Variants in NBAS observed in about 807,000 individuals in gnomAD.
NBAS encodes NBAS subunit of NRZ tethering complex.
A neutral mutation model predicts 302.5 loss-of-function variants in NBAS; 219 were observed. The observed-to-expected ratio is 0.72, with a 90% CI of 0.65 to 0.81. The LOEUF (loss-of-function observed/expected upper bound fraction) is 0.81, where lower values mean the gene tolerates loss of function less well. Among genes scored for constraint, NBAS ranks in the 30% least tolerant of loss-of-function variants. The pLI is 0.00. For synonymous variants in NBAS, 1,118 were observed against 1,021.6 expected, an observed-to-expected ratio of 1.09 and a Z score of -1.80; for missense variants, 2,932 against 2,841.6, an observed-to-expected ratio of 1.03 and a Z score of -0.72.
chr2:15,007,206 T>C, the NBAS span, among the ~76,000 whole-genome samples: 1 of 152,170 alleles, frequency 6.6e-6, no homozygotes, highest in Non-Finnish European at 1.5e-5. Flanking sequence ...CCGGATACAC[T>C]AGGTGAGGCA....
intron 35 of NBAS, among the ~76,000 whole-genome samples, chr2:15,347,591 G>A (rs2148286986): frequency 6.6e-6 from 1 of 152,300 alleles, no homozygotes; most frequent in East Asian, 1.9e-4. Flanking sequence ...CACTTAAAAT[G>A]CTCATAACAA....
the NBAS span, among the ~76,000 whole-genome samples, chr2:14,982,221 G>A: frequency 2.6e-5 from 4 of 152,066 alleles, no homozygotes; most frequent in Admixed American, 1.3e-4. Flanking sequence ...ACCATCCCCC[G>A]GCTGTGTGAG....
At chr2:15,094,589 T>C in the NBAS span, among the ~76,000 whole-genome samples, 1 of 152,334 alleles carries the variant, frequency 6.6e-6, no homozygotes, top group Non-Finnish European at 1.5e-5. Context: ...ACATTTGTAA[T>C]GGAAGCTAAG....
chr2:15,292,590 C>T lies in NBAS; in HGVS notation c.4974G>A (p.Gln1658=), dbSNP rs371186583. 1.9e-6 allele frequency: 3 copies of T among 1,614,212 alleles called. No individual in the cohort carries two copies. The South Asian group carries it at 3.3e-5, about 18-fold the overall frequency. The change falls in exon 41 of 52, where the codon CAG becomes CAA. Residue 1658 remains glutamine (Q), a synonymous_variant. Transcript: ENST00000281513. ...LQGLRKGVDV[Q]RFTADDQYKR... is the part of the protein sequence containing the mutation. ...TATACTGGTCATCTGCAGTAAACCG[C>T]TGCACGTCCACACCCTTCCGAAGGC... is the stretch of plus-strand genomic sequence containing the variant.
the NBAS span, among the ~76,000 whole-genome samples, chr2:14,782,364 A>G: frequency 2.0e-5 from 3 of 152,322 alleles, no homozygotes; most frequent in Middle Eastern, 3.4e-3. Flanking sequence ...AAAAAGCTCA[A>G]TATCACTGAT....
intron 32 of NBAS, among the ~76,000 whole-genome samples, chr2:15,364,976 A>G (rs1297723686): frequency 1.3e-5 from 2 of 152,152 alleles, no homozygotes; most frequent in Non-Finnish European, 2.9e-5. Flanking sequence ...GCCACCTATG[A>G]TACCTTTCTT....
At chr2:14,811,083 T>TG in the NBAS span, among the ~76,000 whole-genome samples, 1 of 152,100 alleles carries the variant, frequency 6.6e-6, no homozygotes, top group Non-Finnish European at 1.5e-5. Context: ...TAGTGGCTAA[T>TG]GATATAGGGT....
chr2:14,833,991 C>T, the NBAS span, among the ~76,000 whole-genome samples: 1 of 152,106 alleles, frequency 6.6e-6, no homozygotes, highest in Non-Finnish European at 1.5e-5. Context: ...TGAATTACTA[C>T]AGAATTCAGA....
intron 9 of NBAS, among the ~76,000 whole-genome samples, chr2:15,512,721 G>A (rs536287868): frequency 4.7e-4 from 71 of 152,070 alleles, no homozygotes; most frequent in Non-Finnish European, 8.1e-4. Flanking sequence ...TCTAAAAGCC[G>A]GAAAAGGCAA....
chr2:15,287,551 C>G (rs1322518425), intron 41 of NBAS, among the ~76,000 whole-genome samples: 5 of 152,170 alleles, frequency 3.3e-5, no homozygotes, highest in Admixed American at 3.3e-4. Flanking sequence ...TGCTGAGCAT[C>G]CTGCATAGAC....
the NBAS span, among the ~76,000 whole-genome samples, chr2:14,960,718 G>A: frequency 1.3e-5 from 2 of 152,080 alleles, no homozygotes; most frequent in African/African-American, 4.8e-5. Flanking sequence ...AAAAAAATAA[G>A]GTAGGTCTAA....
chr2:14,798,416 C>T, the NBAS span, among the ~76,000 whole-genome samples: 3 of 152,130 alleles, frequency 2.0e-5, no homozygotes, highest in Middle Eastern at 3.4e-3. Context: ...AACTTGCATT[C>T]GTAGAAAAAA....
chr2:15,275,938 C>A, intron 43 of NBAS, 120 bp from the exon 44 acceptor site: 1 of 827,100 alleles, frequency 1.2e-6, no homozygotes, highest in Non-Finnish European at 1.9e-6. Context: ...CAACTTAGCT[C>A]TAAGTAGCTA....
chr2:14,811,434 C>T, the NBAS span, among the ~76,000 whole-genome samples: 25 of 152,054 alleles, frequency 1.6e-4, no homozygotes, highest in South Asian at 6.2e-4. Flanking sequence ...ATAAGGTTTT[C>T]GGAATCCATT....
intron 44 of NBAS, among the ~76,000 whole-genome samples, chr2:15,271,555 G>A (rs985224954): frequency 2.0e-5 from 3 of 152,114 alleles, no homozygotes; most frequent in African/African-American, 7.2e-5. Flanking sequence ...GTACCAGAAG[G>A]ACTTTTTAAA....
chr2:15,031,832 G>C, the NBAS span, among the ~76,000 whole-genome samples: 1 of 152,200 alleles, frequency 6.6e-6, no homozygotes, highest in African/African-American at 2.4e-5. Flanking sequence ...GGTCAGATGG[G>C]GCCCTGTGAA....
At chr2:15,526,042 TC>T (rs150877017) in intron 9 of NBAS, among the ~76,000 whole-genome samples, 1 of 152,110 alleles carries the variant, frequency 6.6e-6, no homozygotes, top group East Asian at 1.9e-4. Flanking sequence ...TTAATGCATC[TC>T]CTCTAACAAT....
At chr2:14,966,450 C>A in the NBAS span, among the ~76,000 whole-genome samples, 7 of 152,166 alleles carry the variant, frequency 4.6e-5, no homozygotes, top group African/African-American at 1.7e-4. Flanking sequence ...TATACCAAAT[C>A]ACACATGATC....
At chr2:15,507,421 A>AGCT (rs1480842793) in intron 10 of NBAS, among the ~76,000 whole-genome samples, 2 of 152,118 alleles carry the variant, frequency 1.3e-5, no homozygotes, top group African/African-American at 4.8e-5. Flanking sequence ...CAGCAGCAGC[A>AGCT]GCAATAATAA....
Sources: allele counts gnomAD v4.1 joint callset (sites outside exome capture counted in the v4.1 genomes callset), GRCh38; gene constraint gnomAD v4.1.1; transcripts MANE v1.5; gene names NCBI Gene and HGNC (gene_info 2026-07-23, HGNC 2026-07-21).